Variants in PCDH11X observed in about 807,000 individuals in gnomAD.
The protein encoded by PCDH11X is protocadherin-11 X-linked.
In PCDH11X, 18 loss-of-function variants were observed where a neutral mutation model predicts 53.3. The observed-to-expected ratio is 0.34, with a 90% CI of 0.23 to 0.50. PCDH11X has a LOEUF of 0.50. PCDH11X is among the 20% of genes least tolerant of loss of function. PCDH11X has a pLI of 0.98. For missense variants in PCDH11X, 570 were observed against 1,032.4 expected, an observed-to-expected ratio of 0.55 and a Z score of 6.14; for synonymous variants, 279 against 393.3, an observed-to-expected ratio of 0.71 and a Z score of 3.44.
At chrX:92,287,119 G>A (rs1476406720) in intron 8 of PCDH11X, among the ~76,000 whole-genome samples, 2 of 111,517 alleles carry the variant, frequency 1.8e-5, no homozygotes, top group Non-Finnish European at 1.9e-5. Flanking sequence ...TTGACTGTCA[G>A]TAAAAAACAG....
Position 92,263,340 on chromosome X carries a change from G to A in PCDH11X, c.3144+197G>A, listed in dbSNP as rs144446924. The stretch of plus-strand genomic sequence containing the variant: ...AGTTCTGGAAACAATTTCGAGTCTC[G>A]TTTTATTTTATTTTCCCCCAATACT... On this transcript the variant is annotated intron_variant, in intron 8 of 10. Coordinates refer to ENST00000682573, the MANE Select transcript of PCDH11X (RefSeq NM_032968.5). Among the ~76,000 whole-genome samples, 50 of 111,438 alleles carry A rather than the reference G, an allele frequency of 4.5e-4. No homozygotes were observed. The East Asian group carries it at 0.011, about 24-fold the overall frequency.
rs1329241648 is a variant in PCDH11X, at chrX:92,027,920, AGC to A, written c.3033+148648_3033+148649del. 3.8e-3 allele frequency among the ~76,000 whole-genome samples: 342 copies of A among 89,893 alleles called. 1 individual carries two copies. Among genetic ancestry groups the A allele is most frequent in the African/African-American group, 0.013 (328 of 24,621 alleles). The allele number at this position is 89,893 out of a possible 115,157, so 78.1% of individuals were successfully genotyped here. On this transcript the variant is annotated intron_variant, in intron 6 of 10. Coordinates refer to ENST00000682573, the MANE Select transcript of PCDH11X (RefSeq NM_032968.5). The stretch of plus-strand genomic sequence containing the variant: ...TATATTTGATGTTTTCTTGCTAAAA[AGC>A]ATTTATAGGCTTTCTCCATTTGACT...
At chrX:92,019,874 G>A (rs2062855763) in intron 6 of PCDH11X, among the ~76,000 whole-genome samples, 1 of 111,623 alleles carries the variant, frequency 9.0e-6, no homozygotes, top group Non-Finnish European at 1.9e-5. Flanking sequence ...AGGTATCCAG[G>A]TTCTGTCATC....
chrX:91,939,472 C>A (rs2061483485), intron 6 of PCDH11X, among the ~76,000 whole-genome samples: 1 of 109,831 alleles, frequency 9.1e-6, no homozygotes, highest in Non-Finnish European at 1.9e-5. Context: ...TTAATGACGA[C>A]TCTGAACTCA....
intron 1 of PCDH11X, chrX:91,798,149 A>G (rs1250025441): frequency 4.5e-5 from 5 of 111,250 alleles, no homozygotes; most frequent in East Asian, 2.8e-4. Context: ...TATCAGTTTA[A>G]TATCTGATAT....
At chrX:92,393,273 T>C (rs1325089269) in intron 9 of PCDH11X, among the ~76,000 whole-genome samples, 1 of 111,040 alleles carries the variant, frequency 9.0e-6, no homozygotes, top group East Asian at 2.8e-4. Context: ...ATTTGTAAGA[T>C]TATTTCTTAA....
chrX:92,004,825 G>A (rs1383894938), intron 6 of PCDH11X, among the ~76,000 whole-genome samples: 42 of 95,521 alleles, frequency 4.4e-4, no homozygotes, highest in African/African-American at 1.7e-3. Flanking sequence ...ACCCAGGCTG[G>A]AATACAGTGG....
chrX:92,088,732 T>A (rs1366568622), intron 6 of PCDH11X, among the ~76,000 whole-genome samples: 1 of 111,720 alleles, frequency 9.0e-6, no homozygotes, highest in Non-Finnish European at 1.9e-5. Flanking sequence ...ACCTTTTAGG[T>A]CATTTTATTT....
At chrX:92,422,050 A>T (rs2071979642) in intron 9 of PCDH11X, among the ~76,000 whole-genome samples, 1 of 110,290 alleles carries the variant, frequency 9.1e-6, no homozygotes, top group Non-Finnish European at 1.9e-5. Context: ...TGAAAGAAAT[A>T]GAATGTCTAC....
intron 10 of PCDH11X, among the ~76,000 whole-genome samples, chrX:92,507,297 T>C: frequency 9.0e-6 from 1 of 111,286 alleles, no homozygotes; most frequent in Non-Finnish European, 1.9e-5. Context: ...TTTTTCTAGT[T>C]CTCTAGGCGT....
chrX:91,823,744 T>A (rs1936792573), intron 4 of PCDH11X, among the ~76,000 whole-genome samples: 1 of 111,408 alleles, frequency 9.0e-6, no homozygotes, highest in South Asian at 3.8e-4. Flanking sequence ...TTTTGCTTGT[T>A]AGTTGATGCA....
intron 6 of PCDH11X, among the ~76,000 whole-genome samples, chrX:91,962,237 G>A (rs2061798139): frequency 9.0e-6 from 1 of 110,580 alleles, no homozygotes; most frequent in Non-Finnish European, 1.9e-5. Context: ...CTGCCTATGA[G>A]CCTGTAAAAT....
rs755221247 is a variant in PCDH11X at position 92,062,411 on chromosome X, G to T, written c.3034-138964G>T. Among the ~76,000 whole-genome samples, 6 of 111,879 alleles carry T rather than the reference G, an allele frequency of 5.4e-5. No homozygotes were observed. The Admixed American group carries it at 5.7e-4, about 11-fold the overall frequency. On this transcript the variant is annotated intron_variant, in intron 6 of 10. Transcript: ENST00000682573. ...ATCTTTGTCTTGTTTCTGTTCTGAA[G>T]AGGAATGCTTCTAGCTTTTGCTCAT...
At chrX:92,540,082 G>T (rs1428974666) in intron 10 of PCDH11X, among the ~76,000 whole-genome samples, 1 of 110,890 alleles carries the variant, frequency 9.0e-6, no homozygotes, top group Non-Finnish European at 1.9e-5. Flanking sequence ...TGACTCCAAG[G>T]TTCTAGGGCT....
At chrX:92,554,136 G>C (rs2075009203) in intron 10 of PCDH11X, among the ~76,000 whole-genome samples, 1 of 98,843 alleles carries the variant, frequency 1.0e-5, no homozygotes, top group Admixed American at 1.1e-4. Flanking sequence ...GCAAAGAAGA[G>C]TTAACTGGCC....
At chrX:91,814,056 T>C (rs1936377492) in intron 4 of PCDH11X, among the ~76,000 whole-genome samples, 1 of 106,646 alleles carries the variant, frequency 9.4e-6, no homozygotes, top group Non-Finnish European at 2.0e-5. Flanking sequence ...TTGCAAATAC[T>C]GTTTCAAAAT....
In PCDH11X at chrX:92,299,055, G is replaced by A. The variant is rs747112585; in HGVS notation, c.3144+35912G>A. Among the ~76,000 whole-genome samples the A allele has an allele frequency of 1.3e-4, 15 of 111,175 alleles. No homozygotes were observed. In the East Asian group the frequency reaches 3.1e-3, roughly 23 times the overall value. Reference sequence around the variant, plus strand: ...CTGCTGGGGTGATTACCCTTATCTCGTCTCCTGCTAAATCATGGAGGTTTG... The same window carrying A: ...CTGCTGGGGTGATTACCCTTATCTCATCTCCTGCTAAATCATGGAGGTTTG... On this transcript the variant is annotated intron_variant, in intron 8 of 10. Coordinates refer to ENST00000682573, the MANE Select transcript of PCDH11X (RefSeq NM_032968.5).
rs757033609 is a variant in PCDH11X at position 92,399,086 on chromosome X, G to A, written c.3343+11153G>A. 1.9e-4 allele frequency among the ~76,000 whole-genome samples: 21 copies of A among 108,045 alleles called. No homozygotes were observed. In the South Asian group the frequency reaches 8.8e-3, roughly 45 times the overall value. 93.8% of individuals were successfully genotyped at this position (108,045 alleles called of 115,157 possible). On this transcript the variant is annotated intron_variant, in intron 9 of 10. Coordinates refer to ENST00000682573, the MANE Select transcript of PCDH11X (RefSeq NM_032968.5). ...TGGGCGCCTGTGGTCCCAGCTGCTC[G>A]GGAGGCTGAGGCAGGAGAATGGCAT...
intron 4 of PCDH11X, among the ~76,000 whole-genome samples, chrX:91,824,569 C>T (rs1464973667): frequency 9.4e-6 from 1 of 106,794 alleles, no homozygotes; most frequent in Non-Finnish European, 1.9e-5. Flanking sequence ...TCTAGTTATA[C>T]ATTCTTCTAA....
Sources: allele counts gnomAD v4.1 joint callset (sites outside exome capture counted in the v4.1 genomes callset), GRCh38; gene constraint gnomAD v4.1.1; transcripts MANE v1.5; gene names NCBI Gene and HGNC (gene_info 2026-07-23, HGNC 2026-07-21).